The following PFKM variants were observed in gnomAD, a reference collection of about 807,000 sequenced individuals.
PFKM encodes ATP-dependent 6-phosphofructokinase, muscle type.
In PFKM, 58 loss-of-function variants were observed where a neutral mutation model predicts 95.5. The observed-to-expected ratio is 0.61, with a 90% CI of 0.49 to 0.76. The LOEUF (loss-of-function observed/expected upper bound fraction) is 0.76. Among genes scored for constraint, PFKM ranks in the 30% least tolerant of loss-of-function variants. The pLI, the probability that PFKM is intolerant of heterozygous loss-of-function variation, is 0.00. For synonymous variants in PFKM, 336 were observed against 357.2 expected (o/e 0.94, Z 0.67); for missense variants, 678 against 1,005.4 (o/e 0.67, Z 4.40).
At chr12:48,114,683 G>A (rs1349389588), upstream of PFKM, among the ~76,000 whole-genome samples, 2 of 152,078 alleles carry the variant, frequency 1.3e-5, no homozygotes, top group Non-Finnish European at 2.9e-5. Context: ...TTTGGGACGA[G>A]TTGCATTGGG....
Position 48,142,073 on chromosome 12 carries a change from G to T in PFKM, c.1653+7G>T. On this transcript the variant is annotated splice_region_variant and intron_variant, in intron 17 of 22. Transcript: ENST00000359794. ...ACTCAATACTATCTGCACAGTGAGA[G>T]CCTATCACCACTTCCCATCCCTTTT... 1 of 1,613,894 alleles carries T rather than the reference G, an allele frequency of 6.2e-7. No individual in the cohort carries two copies. The highest frequency in any genetic ancestry group is 8.5e-7 in the Non-Finnish European group (1 of 1,179,730).
Position 48,143,714 on chromosome 12 carries a change from A to G in PFKM, c.1819-39A>G, listed in dbSNP as rs56138845. The G allele has an allele frequency of 1.9e-3, 2,850 of 1,476,320 alleles. 48 individuals are homozygous for G. The African/African-American group carries it at 0.034, about 18-fold the overall frequency. The allele number at this position is 1,476,320 out of a possible 1,614,324, so 91.5% of individuals were successfully genotyped here. ...AGATGATTTATACCCAACCTTATCC[A>G]TTCCCAGTTAGGCTTAGGATTTACT... On this transcript the variant is annotated intron_variant, in intron 18 of 22. Coordinates refer to ENST00000359794, the MANE Select transcript of PFKM (RefSeq NM_000289.6).
upstream of PFKM, chr12:48,119,251 G>A (rs1947939743): frequency 4.1e-6 from 4 of 984,386 alleles, no homozygotes; most frequent in South Asian, 1.4e-4. Flanking sequence ...GAGCCTTCTT[G>A]TCAGCATCTG....
At chr12:48,139,028 G>A (rs1008542286) in intron 11 of PFKM, among the ~76,000 whole-genome samples, 4 of 152,108 alleles carry the variant, frequency 2.6e-5, no homozygotes, top group South Asian at 4.1e-4. Context: ...GCGACAGAGC[G>A]AGACTCCGTC....
chr12:48,133,268 T>A, intron 5 of PFKM, 47 bp from the exon 6 acceptor site: 1 of 1,532,528 alleles, frequency 6.5e-7, no homozygotes, highest in Non-Finnish European at 9.0e-7. Flanking sequence ...TCTTTAGGCA[T>A]GCCAGGTGCC....
At chr12:48,107,443 C>G in exon 2 of PFKM, 1 of 1,592,736 alleles carries the variant, frequency 6.3e-7, no homozygotes, top group Non-Finnish European at 8.5e-7. Flanking sequence ...AGTCAGGACT[C>G]CTCAGAGAAC....
At chr12:48,139,253 G>A (rs2135974999) in intron 11 of PFKM, 32 bp from the exon 12 acceptor site, 5 of 1,571,852 alleles carry the variant, frequency 3.2e-6, no homozygotes, top group Non-Finnish European at 4.4e-6. Context: ...CCTGACCCTG[G>A]AGTTGAAACT....
chr12:48,142,968 G>A (rs535816360), intron 18 of PFKM, 22 bp downstream of exon 18: 1 of 1,608,646 alleles, frequency 6.2e-7, no homozygotes, highest in Admixed American at 1.7e-5. Flanking sequence ...CCCAGAGCCT[G>A]CTAGATAGCT....
intron 6 of PFKM, 103 bp downstream of exon 6, chr12:48,133,583 T>C (rs192680018): frequency 1.9e-6 from 2 of 1,031,514 alleles, no homozygotes; most frequent in Admixed American, 3.7e-5. Flanking sequence ...ATGGTGACTA[T>C]AATGGCCAGT....
rs756542348 is a variant in PFKM at position 48,140,706 on chromosome 12, G to A, written c.1192-16G>A. The A allele has an allele frequency of 4.3e-6, 7 of 1,613,932 alleles. No individual in the cohort carries two copies. In the African/African-American group the frequency reaches 5.3e-5, roughly 12 times the overall value. The stretch of plus-strand genomic sequence containing the variant: ...TGGGTTTCTGTCCTCATTTTTCCCT[G>A]CTTCCTCCTGTATAGAGTGGTTCGC... On this transcript the variant is annotated splice_polypyrimidine_tract_variant and intron_variant, in intron 13 of 22. Transcript: ENST00000359794.
chr12:48,144,169 AC>A lies in PFKM; in HGVS notation c.1992+14del. The stretch of plus-strand genomic sequence containing the variant: ...GTCACATGCAGCAGGTAGGGAAGAC[AC>A]CGTAGTCATGCCCTTCATCAGACAG... On this transcript the variant is annotated intron_variant, in intron 20 of 22. Coordinates refer to ENST00000359794, the MANE Select transcript of PFKM (RefSeq NM_000289.6). 6.5e-7 allele frequency: 1 copy of A among 1,548,530 alleles called. No individual in the cohort carries two copies. The highest frequency in any genetic ancestry group is 8.9e-7 in the Non-Finnish European group (1 of 1,122,252).
chr12:48,137,925 A>C, intron 11 of PFKM, 79 bp downstream of exon 11: 1 of 1,488,216 alleles, frequency 6.7e-7, no homozygotes, highest in Non-Finnish European at 9.4e-7. Context: ...GACTATGTCT[A>C]AGGCCACTGG....
At chr12:48,114,647 G>A (rs1229707958), upstream of PFKM, among the ~76,000 whole-genome samples, 1 of 151,940 alleles carries the variant, frequency 6.6e-6, no homozygotes, top group African/African-American at 2.4e-5. Flanking sequence ...GGACTGAAGG[G>A]ACAGGCCAGA....
chr12:48,124,081 A>C (rs1394315127), intron 2 of PFKM, among the ~76,000 whole-genome samples: 1 of 152,246 alleles, frequency 6.6e-6, no homozygotes, highest in African/African-American at 2.4e-5. Context: ...TACATCAGTG[A>C]AAAAGTCTGA....
In PFKM at chr12:48,142,765, ACCCATTGT is replaced by A; in HGVS notation, c.1654-14_1654-7del. Reference sequence around the variant, plus strand: ...CCCTGATCATGTCTTTCTAACTATAACCCATTGTCCTTGCAGACCTGTGACCGCATCAA... The same window carrying A: ...CCCTGATCATGTCTTTCTAACTATAACCTTGCAGACCTGTGACCGCATCAA... On this transcript the variant is annotated splice_polypyrimidine_tract_variant and intron_variant, in intron 17 of 22. Transcript: ENST00000359794. The A allele has an allele frequency of 6.2e-7, 1 of 1,612,340 alleles. No individual in the cohort carries two copies. The highest frequency in any genetic ancestry group is 8.5e-7 in the Non-Finnish European group (1 of 1,178,482).
intron 2 of PFKM, 26 bp from the exon 3 acceptor site, chr12:48,130,337 G>A (rs374413409): frequency 2.0e-4 from 318 of 1,593,574 alleles, no homozygotes; most frequent in Non-Finnish European, 2.5e-4. Flanking sequence ...CAACCTCTCC[G>A]TGACTTCTTT....
chr12:48,124,423 T>C (rs1948608519), intron 2 of PFKM, among the ~76,000 whole-genome samples: 1 of 152,240 alleles, frequency 6.6e-6, no homozygotes, highest in South Asian at 2.1e-4. Context: ...GATTGTCAGA[T>C]TAGGGGAAGA....
At position 48,142,015 on chromosome 12, in the gene PFKM, T is replaced by C; in HGVS notation, c.1602T>C (p.Pro534=). The C allele has an allele frequency of 1.2e-6, 2 of 1,614,190 alleles. No individual in the cohort carries two copies. The highest frequency in any genetic ancestry group is 1.7e-6 in the Non-Finnish European group (2 of 1,179,996). ...CTGCTACAGTCTCCAACAATGTCCC[T>C]GGCTCAGACTTCAGCGTTGGGGCTG... The part of the protein sequence containing the change: ...VIPATVSNNV[P]GSDFSVGADT... Residue 534 remains proline (P), a synonymous_variant, in exon 17 of 23, where the codon CCT becomes CCC. Transcript: ENST00000359794.
intron 18 of PFKM, 122 bp from the exon 19 acceptor site, chr12:48,143,631 G>T: frequency 2.6e-6 from 2 of 781,756 alleles, no homozygotes; most frequent in South Asian, 2.8e-5. Flanking sequence ...TTCAGGCCCA[G>T]GATTGTAAAC....
Sources: allele counts gnomAD v4.1 joint callset (sites outside exome capture counted in the v4.1 genomes callset), GRCh38; gene constraint gnomAD v4.1.1; transcripts MANE v1.5; gene names NCBI Gene and HGNC (gene_info 2026-07-23, HGNC 2026-07-21).